WWTR1: variants seen among roughly 807,000 people sequenced by gnomAD.
The protein encoded by WWTR1 is WW domain-containing transcription regulator protein 1.
A neutral mutation model predicts 40.1 loss-of-function variants in WWTR1; 13 were observed. The observed-to-expected ratio is 0.32, with a 90% CI of 0.21 to 0.52. The LOEUF (loss-of-function observed/expected upper bound fraction) is 0.52, where lower values mean the gene tolerates loss of function less well. Ranked by LOEUF, WWTR1 falls within the 20% of genes least tolerant of loss-of-function variation. The probability of loss-of-function intolerance (pLI) is 0.97; values close to 1 mark genes in which losing one functional copy is unlikely to be tolerated. For missense variants in WWTR1, 436 were observed against 523.1 expected (o/e 0.83, Z 1.63); for synonymous variants, 230 against 210.1 (o/e 1.09, Z -0.82).
chr3:149,553,428 G>A (rs1354188181), intron 3 of WWTR1, among the ~76,000 whole-genome samples: 1 of 151,976 alleles, frequency 6.6e-6, no homozygotes, highest in Non-Finnish European at 1.5e-5. Context: ...AAAATGATGG[G>A]ATCAACGTGA....
At chr3:149,562,524 T>C (rs1051832041) in intron 3 of WWTR1, among the ~76,000 whole-genome samples, 7 of 151,800 alleles carry the variant, frequency 4.6e-5, no homozygotes. Context: ...TTATGTAATA[T>C]GGAAAAAAAT....
At chr3:149,705,051 T>C (rs928870883), upstream of WWTR1, among the ~76,000 whole-genome samples, 2 of 151,416 alleles carry the variant, frequency 1.3e-5, no homozygotes, top group African/African-American at 4.9e-5. Flanking sequence ...AATATAATAA[T>C]GGAATTTTAA....
At chr3:149,571,266 C>T (rs1248538752) in intron 3 of WWTR1, among the ~76,000 whole-genome samples, 2 of 123,072 alleles carry the variant, frequency 1.6e-5, no homozygotes, top group East Asian at 4.6e-4. Context: ...GATTTTTTTC[C>T]GATTATAATT....
rs550759029 is a variant in WWTR1, at chr3:149,647,359, C to T, written c.431+9517G>A. On this transcript the variant is annotated intron_variant, in intron 2 of 6. Coordinates refer to ENST00000360632, the MANE Select transcript of WWTR1 (RefSeq NM_015472.6). ...CATGAACTTTCGAGTTTAGAAAATG[C>T]GTTCCTGAGAGGGAGGCCACTGGCT... Among the ~76,000 whole-genome samples the T allele has an allele frequency of 2.7e-4, 41 of 152,230 alleles. No individual in the cohort carries two copies. In the East Asian group the frequency reaches 4.4e-3, roughly 17 times the overall value.
Position 149,520,782 on chromosome 3 carries a change from C to T in WWTR1, c.*23G>A, listed in dbSNP as rs569189567. The T allele has an allele frequency of 1.3e-6, 2 of 1,540,404 alleles. No individual in the cohort carries two copies. The highest frequency in any genetic ancestry group is 2.6e-5 in the South Asian group (2 of 77,138). On this transcript the variant is annotated 3_prime_UTR_variant, in exon 7 of 7. Transcript: ENST00000360632. ...CCCAGGAAATGTAAGGTCATGGCTACATCCAAGTTACAATGGTAGTGATTA... is the reference window on the plus strand; with the variant it reads ...CCCAGGAAATGTAAGGTCATGGCTATATCCAAGTTACAATGGTAGTGATTA...
At chr3:149,618,001 G>C (rs1171011632) in intron 2 of WWTR1, among the ~76,000 whole-genome samples, 1 of 152,116 alleles carries the variant, frequency 6.6e-6, no homozygotes, top group African/African-American at 2.4e-5. Flanking sequence ...GCAAACAGTA[G>C]ATATACAAAT....
At chr3:149,555,630 C>A (rs933617561) in intron 3 of WWTR1, among the ~76,000 whole-genome samples, 4 of 152,086 alleles carry the variant, frequency 2.6e-5, no homozygotes, top group African/African-American at 7.2e-5. Context: ...TTTCTAGTGA[C>A]CCCCAAAAAG....
At chr3:149,703,897 G>A (rs1715267764), upstream of WWTR1, among the ~76,000 whole-genome samples, 1 of 152,154 alleles carries the variant, frequency 6.6e-6, no homozygotes, top group African/African-American at 2.4e-5. Context: ...TTCTCATCCA[G>A]CCTGTGGAAC....
In WWTR1 at chr3:149,517,771, C is replaced by T. The variant is rs534822290; in HGVS notation, c.*3034G>A. ...CTGTCTAAAAATTACTTAGATTTAA[C>T]AGAATTGCAATTAGGTTTTGACAAT... On this transcript the variant is annotated 3_prime_UTR_variant, in exon 7 of 7. Transcript: ENST00000360632. The T allele has an allele frequency of 6.6e-6, 1 of 152,250 alleles. No homozygotes were observed. The highest frequency in any genetic ancestry group is 6.5e-5 in the Admixed American group (1 of 15,294). 9.4% of individuals were successfully genotyped at this position (152,250 alleles called of 1,614,324 possible).
chr3:149,631,432 A>T (rs1165570014), intron 2 of WWTR1, among the ~76,000 whole-genome samples: 1 of 152,200 alleles, frequency 6.6e-6, no homozygotes, highest in Non-Finnish European at 1.5e-5. Flanking sequence ...CAAAGTTTGG[A>T]TCAAATTAAC....
At chr3:149,626,440 A>G (rs1009744686) in intron 2 of WWTR1, among the ~76,000 whole-genome samples, 35 of 152,026 alleles carry the variant, frequency 2.3e-4, no homozygotes, top group Admixed American at 6.6e-4. Context: ...AACCAAGCTA[A>G]TAATATCTTG....
intron 2 of WWTR1, among the ~76,000 whole-genome samples, chr3:149,639,147 C>T (rs1281168641): frequency 6.6e-6 from 1 of 152,146 alleles, no homozygotes; most frequent in Non-Finnish European, 1.5e-5. Context: ...TAAAATGCCT[C>T]TAAATGAATA....
At chr3:149,676,552 G>A (rs1339853361) in intron 1 of WWTR1, among the ~76,000 whole-genome samples, 1 of 152,048 alleles carries the variant, frequency 6.6e-6, no homozygotes, top group South Asian at 2.1e-4. Flanking sequence ...TTTTTTGCAG[G>A]GTGCTTTTAC....
At chr3:149,663,793 C>A (rs1713688975) in intron 2 of WWTR1, among the ~76,000 whole-genome samples, 1 of 152,212 alleles carries the variant, frequency 6.6e-6, no homozygotes, top group African/African-American at 2.4e-5. Flanking sequence ...CCTCTTTCAG[C>A]ACCCATTAGT....
chr3:149,621,838 T>A (rs1386416285), intron 2 of WWTR1, among the ~76,000 whole-genome samples: 3 of 152,252 alleles, frequency 2.0e-5, no homozygotes, highest in Admixed American at 1.3e-4. Flanking sequence ...TACTACTGTT[T>A]CAACATGTTG....
chr3:149,594,435 T>C (rs1455580685), intron 2 of WWTR1, among the ~76,000 whole-genome samples: 1 of 152,216 alleles, frequency 6.6e-6, no homozygotes, highest in Non-Finnish European at 1.5e-5. Flanking sequence ...GTACTGGATA[T>C]TAAATAATAT....
At position 149,546,009 on chromosome 3, in the gene WWTR1, C is replaced by A. The variant is rs1736348045; in HGVS notation, c.569-3472G>T. Among the ~76,000 whole-genome samples, 5 of 152,290 alleles carry A rather than the reference C, an allele frequency of 3.3e-5. No individual in the cohort carries two copies. The South Asian group carries it at 1.0e-3, about 32-fold the overall frequency. On this transcript the variant is annotated intron_variant, in intron 3 of 6. Transcript: ENST00000360632. Reference sequence around the variant, plus strand: ...GTATTACTGAAAGCCACATAGCAACCAGATATTGCTCAGCAGATTTTATTA... The same window carrying A: ...GTATTACTGAAAGCCACATAGCAACAAGATATTGCTCAGCAGATTTTATTA...
intron 3 of WWTR1, among the ~76,000 whole-genome samples, chr3:149,543,240 A>AT (rs1209953792): frequency 6.6e-6 from 1 of 152,246 alleles, no homozygotes; most frequent in African/African-American, 2.4e-5. Flanking sequence ...TTTTTTTAAA[A>AT]TGCTCTATTT....
intron 2 of WWTR1, among the ~76,000 whole-genome samples, chr3:149,622,801 G>A (rs1392869839): frequency 6.6e-6 from 1 of 151,780 alleles, no homozygotes; most frequent in Non-Finnish European, 1.5e-5. Flanking sequence ...GAGGGAGAAG[G>A]ATCACTTGAG....
Sources: gnomAD v4.1 joint callset for allele counts (sites outside exome capture counted in the v4.1 genomes callset) on GRCh38, gnomAD v4.1.1 for gene constraint, MANE v1.5 for transcripts, NCBI Gene and HGNC (gene_info 2026-07-23, HGNC 2026-07-21) for gene names.